Variants in PCDHA4 observed in about 807,000 individuals in gnomAD.
The protein encoded by PCDHA4 is protocadherin alpha 4, also known as protocadherin alpha-4.
A neutral mutation model predicts 61.4 loss-of-function variants in PCDHA4; 49 were observed. The observed-to-expected ratio is 0.80, with a 90% CI of 0.63 to 1.01. The LOEUF (loss-of-function observed/expected upper bound fraction) is 1.01. Ranked by LOEUF, PCDHA4 falls within the 50% of genes least tolerant of loss-of-function variation. The pLI, the probability that PCDHA4 is intolerant of heterozygous loss-of-function variation, is 0.00. For synonymous variants in PCDHA4, 590 were observed against 550.3 expected (o/e 1.07, Z -1.01); for missense variants, 1,254 against 1,235.8 (o/e 1.01, Z -0.22).
At chr5:140,835,189 T>C in intron 1 of PCDHA4, 2 of 1,537,800 alleles carry the variant, frequency 1.3e-6, no homozygotes, top group Non-Finnish European at 8.8e-7. Flanking sequence ...GCCTCAGATT[T>C]AGACGAAGGC....
intron 1 of PCDHA4, among the ~76,000 whole-genome samples, chr5:140,917,334 G>A (rs1466426021): frequency 1.4e-5 from 2 of 147,744 alleles, no homozygotes; most frequent in Admixed American, 1.4e-4. Flanking sequence ...CGGGGGAGGG[G>A]GGGGATGGTG....
intron 1 of PCDHA4, chr5:140,835,708 C>T (rs182652510): frequency 1.8e-5 from 29 of 1,613,660 alleles, no homozygotes; most frequent in Middle Eastern, 1.7e-4. Context: ...GCTAGCGTGT[C>T]CGTGGAGGTG....
chr5:140,883,658 G>C (rs573544891), intron 1 of PCDHA4: 2 of 1,613,994 alleles, frequency 1.2e-6, no homozygotes, highest in African/African-American at 2.7e-5. Context: ...CACGGTGTTC[G>C]TGAAGGAAAA....
chr5:140,893,040 C>A (rs1554185508), intron 1 of PCDHA4, among the ~76,000 whole-genome samples: 1 of 152,226 alleles, frequency 6.6e-6, no homozygotes, highest in African/African-American at 2.4e-5. Flanking sequence ...AACATATGCC[C>A]TCCAGGCTCA....
intron 1 of PCDHA4, chr5:140,850,637 G>A: frequency 6.3e-7 from 1 of 1,598,640 alleles, no homozygotes; most frequent in Non-Finnish European, 8.6e-7. Flanking sequence ...TGGTTCTCAC[G>A]CTGCTGCTGT....
At chr5:140,849,516 G>A in intron 1 of PCDHA4, 2 of 1,597,278 alleles carry the variant, frequency 1.3e-6, no homozygotes, top group East Asian at 2.2e-5. Flanking sequence ...TGTGGAAGTT[G>A]TGGATGTAAA....
rs144041965 is a variant in PCDHA4, at chr5:140,808,651, G to A, written c.1464G>A (p.Ala488=). 1.8e-5 allele frequency: 29 copies of A among 1,613,192 alleles called. 1 individual carries two copies. Among genetic ancestry groups the A allele is most frequent in the Middle Eastern group, 3.6e-4 (2 of 5,482 alleles). Residue 488 remains alanine (A), a synonymous_variant, in exon 1 of 4, where the codon GCG becomes GCA. Coordinates refer to ENST00000530339, the MANE Select transcript of PCDHA4 (RefSeq NM_018907.4). ...SAWDADAQEN[A]LVSYSLVERR... ...GGGACGCGGACGCGCAGGAGAACGC[G>A]CTGGTGTCCTACTCGCTGGTAGAGC...
At position 140,929,035 on chromosome 5, in the gene PCDHA4, G is replaced by T. The variant is rs6877058; in HGVS notation, c.2386-49914G>T. 2.5e-3 allele frequency: 4,027 copies of T among 1,614,128 alleles called. 64 individuals are homozygous for T. In the African/African-American group the frequency reaches 0.039, roughly 15 times the overall value. On this transcript the variant is annotated intron_variant, in intron 1 of 3. Coordinates refer to ENST00000530339, the MANE Select transcript of PCDHA4 (RefSeq NM_018907.4). The stretch of plus-strand genomic sequence containing the variant: ...GTTGCACCAGAGCCCAGGCTGTTGC[G>T]CTCAGAGCTGCTGTCGCTCTACAGA...
At chr5:140,962,270 A>T (rs2095668540) in intron 1 of PCDHA4, among the ~76,000 whole-genome samples, 1 of 152,210 alleles carries the variant, frequency 6.6e-6, no homozygotes, top group African/African-American at 2.4e-5. Context: ...TTTATAATTT[A>T]AAAAACCTCA....
chr5:140,899,534 T>A (rs2067388979), intron 1 of PCDHA4, among the ~76,000 whole-genome samples: 1 of 152,234 alleles, frequency 6.6e-6, no homozygotes, highest in Non-Finnish European at 1.5e-5. Context: ...TGAAGCCCAC[T>A]TGATCATGGT....
At position 140,944,693 on chromosome 5, in the gene PCDHA4, G is replaced by A. The variant is rs191002677; in HGVS notation, c.2386-34256G>A. 1.7e-3 allele frequency among the ~76,000 whole-genome samples: 252 copies of A among 152,248 alleles called. No homozygotes were observed. In the Middle Eastern group the frequency reaches 0.017, roughly 10 times the overall value. On this transcript the variant is annotated intron_variant, in intron 1 of 3. Coordinates refer to ENST00000530339, the MANE Select transcript of PCDHA4 (RefSeq NM_018907.4). ...TATTCTGTGTATCCTATTAATAACA[G>A]TAATTATCAGGTTATTTTGCCTTTG...
At chr5:140,827,941 C>T in intron 1 of PCDHA4, 1 of 1,174,956 alleles carries the variant, frequency 8.5e-7, no homozygotes, top group Admixed American at 2.3e-5. Flanking sequence ...TATAGCTAGC[C>T]AACATTCAAA....
intron 1 of PCDHA4, chr5:140,863,203 G>C: frequency 1.1e-6 from 1 of 948,504 alleles, no homozygotes; most frequent in Non-Finnish European, 1.6e-6. Flanking sequence ...GTCGCTGGCG[G>C]AGAGCAGCCA....
chr5:140,883,804 G>T (rs373228578), intron 1 of PCDHA4: 1 of 1,612,420 alleles, frequency 6.2e-7, no homozygotes, highest in African/African-American at 1.3e-5. Context: ...CGGTGCACGC[G>T]GAGAGCGGCA....
At position 140,843,280 on chromosome 5, in the gene PCDHA4, T is replaced by A. The variant is rs2150356364; in HGVS notation, c.2385+33708T>A. ...ACCGTCTGCTGGTCCTGGTGAAGGA[T>A]CATGGTGAACCTGCGCTGACCGCCA... On this transcript the variant is annotated intron_variant, in intron 1 of 3. Coordinates refer to ENST00000530339, the MANE Select transcript of PCDHA4 (RefSeq NM_018907.4). 5.0e-6 allele frequency: 8 copies of A among 1,595,708 alleles called. 1 individual carries two copies. The African/African-American group carries it at 6.7e-5, about 13-fold the overall frequency.
chr5:140,823,121 A>G, intron 1 of PCDHA4: 1 of 1,614,018 alleles, frequency 6.2e-7, no homozygotes, highest in Non-Finnish European at 8.5e-7. Flanking sequence ...GACGTGAACG[A>G]CAACGCTCCG....
At chr5:140,841,512 T>C in intron 1 of PCDHA4, 1 of 1,613,424 alleles carries the variant, frequency 6.2e-7, no homozygotes, top group East Asian at 2.2e-5. Flanking sequence ...CCGCGCCTGT[T>C]CCGGGTGGCG....
At position 140,808,802 on chromosome 5, in the gene PCDHA4, G is replaced by A. The variant is rs533708736; in HGVS notation, c.1615G>A (p.Asp539Asn). ...ELLQFQVTAR[D>N]AGVPPLGSNV... ...GCTGCAGTTTCAGGTGACCGCTCGC[G>A]ATGCCGGCGTGCCACCTCTGGGCAG... Residue 539 changes from aspartate (D) to asparagine (N), a missense_variant, in exon 1 of 4, where the codon GAT becomes AAT. Asp to Asn is a conservative substitution (Grantham distance 23). Transcript: ENST00000530339. The A allele has an allele frequency of 2.5e-5, 41 of 1,612,700 alleles. No individual in the cohort carries two copies. In the South Asian group the frequency reaches 4.4e-4, roughly 17 times the overall value.
chr5:140,856,465 C>G (rs2044013823), intron 1 of PCDHA4: 1 of 1,598,234 alleles, frequency 6.3e-7, no homozygotes, highest in Non-Finnish European at 8.6e-7. Flanking sequence ...AACAAAAGCT[C>G]TCAATACCTG....
Sources: gnomAD v4.1 joint callset for allele counts (sites outside exome capture counted in the v4.1 genomes callset) on GRCh38, gnomAD v4.1.1 for gene constraint, MANE v1.5 for transcripts, NCBI Gene and HGNC (gene_info 2026-07-23, HGNC 2026-07-21) for gene names.